Variants in C11orf65 observed in about 807,000 individuals in gnomAD.
C11orf65 encodes chromosome 11 open reading frame 65.
A neutral mutation model predicts 35.3 loss-of-function variants in C11orf65; 38 were observed. The ratio of observed to expected loss-of-function variants is 1.08; its 90% CI spans 0.83 to 1.41. The LOEUF (loss-of-function observed/expected upper bound fraction) is 1.41. Among genes scored for constraint, C11orf65 ranks in the 40% most tolerant of loss-of-function variants. C11orf65 has a pLI of 0.00. For missense variants in C11orf65, 370 were observed against 367.1 expected, an observed-to-expected ratio of 1.01 and a Z score of -0.06; for synonymous variants, 105 against 114.4, an observed-to-expected ratio of 0.92 and a Z score of 0.53.
chr11:108,332,811 G>T (rs2136564878), intron 3 of C11orf65: 1 of 1,613,402 alleles, frequency 6.2e-7, no homozygotes, highest in Non-Finnish European at 8.5e-7. Flanking sequence ...AGAAGTAGGA[G>T]ACCTCAGATG....
chr11:108,405,973 GT>G (rs1555165545), intron 5 of C11orf65, among the ~76,000 whole-genome samples: 10 of 152,030 alleles, frequency 6.6e-5, no homozygotes, highest in Non-Finnish European at 1.5e-4. Flanking sequence ...TGGTTTCCCC[GT>G]TATGACATTT....
chr11:108,357,393 T>A (rs2137476170), intron 2 of C11orf65, among the ~76,000 whole-genome samples: 1 of 152,264 alleles, frequency 6.6e-6, no homozygotes, highest in Admixed American at 6.5e-5. Context: ...TGCCCAGGCT[T>A]GATTAGGTAA....
chr11:108,433,324 T>C lies in C11orf65; in HGVS notation c.82-1486A>G, dbSNP rs558786260. 8.9e-4 allele frequency among the ~76,000 whole-genome samples: 134 copies of C among 151,368 alleles called. 7 individuals carry two copies. The South Asian group carries it at 0.027, about 31-fold the overall frequency. ...CGGGCTCAGTGGCTCACGCCTATAA[T>C]CCCAGCACTTTGGGAGGCCAAGGTG... On this transcript the variant is annotated intron_variant, in intron 2 of 8. Coordinates refer to ENST00000393084, the MANE Select transcript of C11orf65 (RefSeq NM_152587.5).
At chr11:108,438,444 G>A (rs771285440) in intron 2 of C11orf65, among the ~76,000 whole-genome samples, 10 of 151,506 alleles carry the variant, frequency 6.6e-5, no homozygotes, top group Non-Finnish European at 1.0e-4. Context: ...CCAGCTACTC[G>A]GTAGGCTGAG....
At chr11:108,401,541 T>C (rs2092439029) in intron 6 of C11orf65, among the ~76,000 whole-genome samples, 1 of 152,198 alleles carries the variant, frequency 6.6e-6, no homozygotes, top group African/African-American at 2.4e-5. Flanking sequence ...TAAAACATGT[T>C]TTCCTTGAAA....
At chr11:108,359,798 T>A (rs2090483799) in intron 2 of C11orf65, among the ~76,000 whole-genome samples, 1 of 149,824 alleles carries the variant, frequency 6.7e-6, no homozygotes. Context: ...TTCAAAGCAG[T>A]GTGTAGAGGG....
At chr11:108,373,737 G>A (rs1455809307) in intron 2 of C11orf65, among the ~76,000 whole-genome samples, 2 of 152,272 alleles carry the variant, frequency 1.3e-5, no homozygotes, top group African/African-American at 4.8e-5. Flanking sequence ...CATCACACGG[G>A]AAGCGCAAGG....
At chr11:108,449,001 G>A (rs1272637985) in intron 2 of C11orf65, among the ~76,000 whole-genome samples, 1 of 152,100 alleles carries the variant, frequency 6.6e-6, no homozygotes, top group Non-Finnish European at 1.5e-5. Flanking sequence ...CAGACAAACA[G>A]AGAGCCAAAT....
chr11:108,401,020 A>G (rs1238977833), intron 6 of C11orf65, among the ~76,000 whole-genome samples: 1 of 151,974 alleles, frequency 6.6e-6, no homozygotes. Context: ...GAGATAGGAG[A>G]ATTGCTTGAA....
intron 3 of C11orf65, among the ~76,000 whole-genome samples, chr11:108,423,446 C>G (rs865841383): frequency 6.6e-6 from 1 of 152,182 alleles, no homozygotes; most frequent in African/African-American, 2.4e-5. Context: ...TTTCCCCTCA[C>G]AGAGCACCTG....
At chr11:108,405,583 T>C in intron 5 of C11orf65, 24 bp from the exon 6 acceptor site, 2 of 1,608,128 alleles carry the variant, frequency 1.2e-6, no homozygotes, top group Non-Finnish European at 1.7e-6. Flanking sequence ...AAAATGAACA[T>C]ACAAAATGTT....
intron 2 of C11orf65, among the ~76,000 whole-genome samples, chr11:108,459,442 C>T (rs930535078): frequency 1.3e-5 from 2 of 152,018 alleles, no homozygotes; most frequent in African/African-American, 4.8e-5. Flanking sequence ...TGTCTTCAGT[C>T]CTTCTCCTTC....
intron 2 of C11orf65, chr11:108,335,442 CATCAGT>C (rs2086735431): frequency 3.7e-6 from 2 of 538,236 alleles, no homozygotes; most frequent in African/African-American, 1.9e-5. Flanking sequence ...ACGTCCTTTG[CATCAGT>C]ATACCGGGTC....
rs773486976 is a variant in C11orf65, at chr11:108,383,006, T to A, written c.*15A>T. The A allele has an allele frequency of 1.9e-6, 3 of 1,610,724 alleles. No individual in the cohort carries two copies. In the Admixed American group the frequency reaches 5.1e-5, roughly 27 times the overall value. On this transcript the variant is annotated 3_prime_UTR_variant, in exon 9 of 9. Coordinates refer to ENST00000393084, the MANE Select transcript of C11orf65 (RefSeq NM_152587.5). ...AGGCTCAAAGGGCTATAACTCAGAA[T>A]AGAAATAAAGTACTTTATAGTCCAT...
In C11orf65 at chr11:108,353,759, A is replaced by G. The variant is rs2137284033; in HGVS notation, c.227-18467T>C. ...ACCTCCTAACTTCACTGTATTCTTT[A>G]CTTTAGGTGTTGCTTTTGAACAGGG... On this transcript the variant is annotated intron_variant, in intron 2 of 3. Transcript: ENST00000524755. 3 of 1,589,392 alleles carry G rather than the reference A, an allele frequency of 1.9e-6. No homozygotes were observed. Among genetic ancestry groups the G allele is most frequent in the Non-Finnish European group, 2.6e-6 (3 of 1,157,474 alleles).
intron 2 of C11orf65, among the ~76,000 whole-genome samples, chr11:108,352,668 C>T (rs1444309961): frequency 6.6e-6 from 1 of 152,188 alleles, no homozygotes; most frequent in Non-Finnish European, 1.5e-5. Flanking sequence ...AGATGTTCTA[C>T]AGTGGGCAAA....
At chr11:108,416,465 T>G (rs2092733920) in intron 3 of C11orf65, among the ~76,000 whole-genome samples, 1 of 152,090 alleles carries the variant, frequency 6.6e-6, no homozygotes, top group South Asian at 2.1e-4. Flanking sequence ...GTGGATCACT[T>G]GAGGTCAGGA....
upstream of C11orf65, among the ~76,000 whole-genome samples, chr11:108,469,642 T>C (rs538157852): frequency 2.4e-4 from 37 of 152,256 alleles, no homozygotes; most frequent in South Asian, 7.3e-3. Flanking sequence ...ACCTCTAACC[T>C]GATCCACAAG....
intron 2 of C11orf65, among the ~76,000 whole-genome samples, chr11:108,441,405 G>C (rs575936775): frequency 1.1e-4 from 17 of 152,242 alleles, no homozygotes; most frequent in Non-Finnish European, 2.2e-4. Flanking sequence ...GCAGGGCATA[G>C]CTGAACAAAA....
Sources: gnomAD v4.1 joint callset for allele counts (sites outside exome capture counted in the v4.1 genomes callset) on GRCh38, gnomAD v4.1.1 for gene constraint, MANE v1.5 for transcripts, NCBI Gene and HGNC (gene_info 2026-07-23, HGNC 2026-07-21) for gene names.